The following ACSM6 variants were observed in gnomAD, a reference collection of about 807,000 sequenced individuals.
The protein encoded by ACSM6 is acyl-CoA synthetase medium chain family member 6.
Under a neutral mutation model 51.1 loss-of-function variants are expected in ACSM6, and 35 were observed. The observed-to-expected ratio is 0.69, with a 90% CI of 0.52 to 0.91. ACSM6 has a LOEUF of 0.91. Ranked by LOEUF, ACSM6 falls within the 40% of genes least tolerant of loss-of-function variation. ACSM6 has a pLI of 0.00. For missense variants in ACSM6, 509 were observed against 584.1 expected (o/e 0.87, Z 1.32); for synonymous variants, 172 against 207.3 (o/e 0.83, Z 1.46).
chr10:95,228,846 T>C lies in ACSM6; in HGVS notation c.*62T>C, dbSNP rs1432051278. ...GAGTTTGAAGAAGACTCTGGACTGC[T>C]TCCAATACGTAGGAATTATATTTCT... is the stretch of plus-strand genomic sequence containing the variant. On this transcript the variant is annotated 3_prime_UTR_variant, in exon 11 of 11. Coordinates refer to ENST00000341686, the Ensembl canonical transcript of ACSM6. The C allele has an allele frequency of 2.1e-6, 3 of 1,397,196 alleles. No homozygotes were observed. In the East Asian group the frequency reaches 8.1e-5, roughly 38 times the overall value. 86.5% of individuals were successfully genotyped at this position (1,397,196 alleles called of 1,614,324 possible).
intron 3 of ACSM6, among the ~76,000 whole-genome samples, chr10:95,206,364 G>A (rs1268440649): frequency 6.6e-6 from 1 of 152,094 alleles, no homozygotes; most frequent in African/African-American, 2.4e-5. Flanking sequence ...GTATTTCATT[G>A]TGTAAATATA....
At chr10:95,211,643 TTC>T (rs1450462760) in intron 5 of ACSM6, among the ~76,000 whole-genome samples, 2 of 152,200 alleles carry the variant, frequency 1.3e-5, no homozygotes, top group Admixed American at 1.3e-4. Flanking sequence ...ATTAATAAAC[TTC>T]TGAGACCCCT....
At chr10:95,219,968 C>G in exon 9 of ACSM6, 1 of 1,605,830 alleles carries the variant, frequency 6.2e-7, no homozygotes, top group Non-Finnish European at 8.5e-7. Context: ...CTTATATTGT[C>G]CAGGTAGGAG....
intron 2 of ACSM6, among the ~76,000 whole-genome samples, chr10:95,200,440 ATACACATGTAACAAACCTGCACATTG>A (rs1293535156): frequency 3.3e-5 from 5 of 151,976 alleles, no homozygotes; most frequent in Non-Finnish European, 7.4e-5. Context: ...TGGCACATGT[ATACACATGTAACAAACCTGCACATTG>A]TACACATGTA....
At chr10:95,197,313 C>T (rs2034739435) in intron 2 of ACSM6, among the ~76,000 whole-genome samples, 1 of 152,124 alleles carries the variant, frequency 6.6e-6, no homozygotes, top group Non-Finnish European at 1.5e-5. Flanking sequence ...GCCCAGGGGA[C>T]CGGCACTCAG....
At chr10:95,221,817 G>A (rs1410569303) in intron 9 of ACSM6, among the ~76,000 whole-genome samples, 1 of 152,138 alleles carries the variant, frequency 6.6e-6, no homozygotes, top group African/African-American at 2.4e-5. Context: ...GAGGGACAAA[G>A]ATGACATGAT....
chr10:95,219,489 G>A (rs1228379747), intron 8 of ACSM6, among the ~76,000 whole-genome samples: 1 of 152,180 alleles, frequency 6.6e-6, no homozygotes, highest in African/African-American at 2.4e-5. Flanking sequence ...AGTCATGCAT[G>A]TTTTCTTGCT....
At chr10:95,205,774 G>C (rs1021213883) in intron 3 of ACSM6, among the ~76,000 whole-genome samples, 3 of 152,206 alleles carry the variant, frequency 2.0e-5, no homozygotes, top group African/African-American at 7.2e-5. Flanking sequence ...GCACTTGAAA[G>C]TGTTTGCAGT....
At chr10:95,219,870 T>G (rs777151361) in intron 8 of ACSM6, 21 bp from the exon 9 acceptor site, 11 of 1,591,370 alleles carry the variant, frequency 6.9e-6, no homozygotes, top group Middle Eastern at 1.7e-4. Flanking sequence ...AAGAAAAACT[T>G]GTCTGCATTT....
At chr10:95,201,850 A>C (rs1397418084) in intron 2 of ACSM6, 135 bp from the exon 3 acceptor site, 2 of 688,486 alleles carry the variant, frequency 2.9e-6, no homozygotes, top group Admixed American at 5.0e-5. Flanking sequence ...GTTGAGAAAC[A>C]GTAGCTCCCC....
intron 1 of ACSM6, 62 bp from the exon 2 acceptor site, chr10:95,194,403 A>G: frequency 7.8e-7 from 1 of 1,284,828 alleles, no homozygotes; most frequent in African/African-American, 1.5e-5. Flanking sequence ...CAGCACTACA[A>G]TCTCAGTGAT....
At chr10:95,227,197 G>A (rs1371524741) in intron 10 of ACSM6, among the ~76,000 whole-genome samples, 2 of 152,036 alleles carry the variant, frequency 1.3e-5, no homozygotes, top group African/African-American at 4.8e-5. Context: ...ATGTTGGCCA[G>A]GTTGGTCTGG....
intron 3 of ACSM6, among the ~76,000 whole-genome samples, chr10:95,203,117 C>A (rs1029958585): frequency 1.1e-4 from 16 of 152,050 alleles, no homozygotes; most frequent in Non-Finnish European, 2.4e-4. Context: ...CTGAGCTCTG[C>A]CTCCTGTCAG....
chr10:95,194,335 A>AATG, intron 1 of ACSM6, 32 bp downstream of exon 1: 1 of 702,144 alleles, frequency 1.4e-6, no homozygotes. Flanking sequence ...CTTCTTCTCC[A>AATG]ATGATCTGAC....
chr10:95,218,758 T>C (rs1394100686), intron 8 of ACSM6, among the ~76,000 whole-genome samples: 1 of 152,228 alleles, frequency 6.6e-6, no homozygotes, highest in Non-Finnish European at 1.5e-5. Context: ...AGAACCATGA[T>C]TAATAGTCCC....
chr10:95,227,871 C>A (rs912341545), intron 10 of ACSM6, among the ~76,000 whole-genome samples: 1 of 152,136 alleles, frequency 6.6e-6, no homozygotes, highest in African/African-American at 2.4e-5. Flanking sequence ...AGTTTGAGAG[C>A]AGCCTGGCCA....
intron 9 of ACSM6, among the ~76,000 whole-genome samples, chr10:95,221,724 AAG>A (rs1190150713): frequency 3.3e-5 from 5 of 152,226 alleles, no homozygotes; most frequent in African/African-American, 1.2e-4. Context: ...ATAACTAACA[AAG>A]AGATTAAATT....
exon 4 of ACSM6, chr10:95,207,285 T>C (rs1213308587): frequency 1.2e-6 from 2 of 1,614,076 alleles, no homozygotes; most frequent in Non-Finnish European, 1.7e-6. Context: ...TAAGGCCCAG[T>C]GCATTGTGGC....
At chr10:95,224,032 T>C (rs2035016948) in intron 9 of ACSM6, among the ~76,000 whole-genome samples, 2 of 152,282 alleles carry the variant, frequency 1.3e-5, no homozygotes, top group African/African-American at 4.8e-5. Flanking sequence ...ATAAAATTAA[T>C]AGAACAATCT....
Sources: gnomAD v4.1 joint callset for allele counts (sites outside exome capture counted in the v4.1 genomes callset) on GRCh38, gnomAD v4.1.1 for gene constraint, MANE v1.5 for transcripts, NCBI Gene and HGNC (gene_info 2026-07-23, HGNC 2026-07-21) for gene names.